MMRN1: variants seen among roughly 807,000 people sequenced by gnomAD.
MMRN1 encodes multimerin-1.
In MMRN1, 94 loss-of-function variants were observed where a neutral mutation model predicts 100.7. The observed-to-expected ratio is 0.93, with a 90% confidence interval of 0.79 to 1.11. The LOEUF (loss-of-function observed/expected upper bound fraction) is 1.11, where lower values mean the gene tolerates loss of function less well. MMRN1 is among the 50% of genes least tolerant of loss of function. The pLI is 0.00. For missense variants in MMRN1, 1,606 were observed against 1,439.1 expected (o/e 1.12, Z -1.88); for synonymous variants, 575 against 505.0 (o/e 1.14, Z -1.86).
chr4:89,931,804 G>T (rs1422591129), intron 5 of MMRN1, among the ~76,000 whole-genome samples: 1 of 152,072 alleles, frequency 6.6e-6, no homozygotes, highest in East Asian at 1.9e-4. Context: ...ATCTCCCACT[G>T]GGTCCCTCCC....
At chr4:89,903,686 T>C (rs1721461565) in intron 1 of MMRN1, among the ~76,000 whole-genome samples, 4 of 151,810 alleles carry the variant, frequency 2.6e-5, no homozygotes. Flanking sequence ...GTAGATAATA[T>C]TATTGTAGAT....
chr4:89,951,063 C>CCTTTG (rs1355722213), intron 6 of MMRN1, among the ~76,000 whole-genome samples: 1 of 151,816 alleles, frequency 6.6e-6, no homozygotes, highest in African/African-American at 2.4e-5. Context: ...GTTTTGTTTT[C>CCTTTG]CTTTGCTTTG....
chr4:89,931,311 T>G (rs1385954604), intron 5 of MMRN1, among the ~76,000 whole-genome samples: 4 of 152,186 alleles, frequency 2.6e-5, no homozygotes, highest in African/African-American at 9.6e-5. Flanking sequence ...AATCACTCTT[T>G]CACATATTTT....
At chr4:89,919,084 C>T (rs1375690865) in intron 3 of MMRN1, among the ~76,000 whole-genome samples, 3 of 151,444 alleles carry the variant, frequency 2.0e-5, no homozygotes, top group African/African-American at 7.3e-5. Flanking sequence ...AACTCATTTG[C>T]AATGATATTC....
intron 1 of MMRN1, chr4:89,901,959 A>G (rs940908086): frequency 6.6e-6 from 1 of 151,992 alleles, no homozygotes; most frequent in Non-Finnish European, 1.5e-5. Flanking sequence ...GAACTGGATT[A>G]AGCATAGAAT....
At chr4:89,920,074 T>A (rs1722040525) in intron 3 of MMRN1, among the ~76,000 whole-genome samples, 1 of 152,118 alleles carries the variant, frequency 6.6e-6, no homozygotes, top group Non-Finnish European at 1.5e-5. Flanking sequence ...TCATCACATA[T>A]CCTACAAAAT....
chr4:89,934,914 A>G lies in MMRN1; in HGVS notation c.1234A>G (p.Thr412Ala). Reference sequence around the variant, plus strand: ...AGAGACTGTAGCACAGCTCTTCAAGACTGTATCAAGTCTATCAGAGGACCT... The same window carrying G: ...AGAGACTGTAGCACAGCTCTTCAAGGCTGTATCAAGTCTATCAGAGGACCT... ...MQETVAQLFK[T>A]VSSLSEDLES... Residue 412 changes from threonine to alanine, a missense_variant, in exon 6 of 8, where the codon ACT (threonine) becomes GCT (alanine). Physicochemically the swap from Thr to Ala is moderately conservative, Grantham distance 58 (BLOSUM62 0). Coordinates refer to ENST00000264790, the MANE Select transcript of MMRN1 (RefSeq NM_007351.3). 1 of 1,613,238 alleles carries G rather than the reference A, an allele frequency of 6.2e-7. No individual in the cohort carries two copies. Among genetic ancestry groups the G allele is most frequent in the African/African-American group, 1.3e-5 (1 of 74,974 alleles).
rs1194275666 is a variant in MMRN1, at chr4:89,927,851, C to T, written c.1012C>T (p.Leu338=). The change falls in exon 5 of 8, where the codon CTG becomes TTG. Residue 338 remains leucine (L), a synonymous_variant. Coordinates refer to ENST00000264790, the MANE Select transcript of MMRN1 (RefSeq NM_007351.3). ...VNYQAMKLTL[L]QKKIDNISLT... ...CTACCAGGCAATGAAACTGACTCTTCTGCAGAAGAAGATTGACAATATTTC... is the reference window on the plus strand; with the variant it reads ...CTACCAGGCAATGAAACTGACTCTTTTGCAGAAGAAGATTGACAATATTTC... The T allele has an allele frequency of 6.2e-7, 1 of 1,612,578 alleles. No homozygotes were observed. Among genetic ancestry groups the T allele is most frequent in the Non-Finnish European group, 8.5e-7 (1 of 1,179,330 alleles).
At chr4:89,907,576 T>C (rs966805706) in intron 1 of MMRN1, among the ~76,000 whole-genome samples, 13 of 151,522 alleles carry the variant, frequency 8.6e-5, no homozygotes, top group Admixed American at 2.6e-4. Flanking sequence ...ATGTTTATTC[T>C]GCCCAATCTT....
intron 6 of MMRN1, among the ~76,000 whole-genome samples, chr4:89,943,936 C>G (rs574420416): frequency 4.6e-5 from 7 of 151,500 alleles, no homozygotes; most frequent in Admixed American, 4.6e-4. Context: ...GAGCCGAGAT[C>G]ATGCCACTGC....
chr4:89,889,082 G>A (rs115367546), intron 1 of MMRN1, among the ~76,000 whole-genome samples: 1,920 of 152,246 alleles, frequency 0.013, 43 homozygotes, highest in African/African-American at 0.044. Context: ...GCCGTTTAGT[G>A]TAGGAGCTGA....
intron 4 of MMRN1, among the ~76,000 whole-genome samples, chr4:89,926,141 C>A (rs946722662): frequency 6.6e-6 from 1 of 151,986 alleles, no homozygotes; most frequent in Non-Finnish European, 1.5e-5. Flanking sequence ...TGTGTGTATA[C>A]GTGGAAGTGG....
chr4:89,953,427 G>T lies in MMRN1; in HGVS notation c.*9G>T. On this transcript the variant is annotated 3_prime_UTR_variant, in exon 8 of 8. Coordinates refer to ENST00000264790, the MANE Select transcript of MMRN1 (RefSeq NM_007351.3). ...TATTATATCGTACATAAGTTAGTATGAAAAACAGACTATCACCTTTATTGA... is the reference window on the plus strand; with the variant it reads ...TATTATATCGTACATAAGTTAGTATTAAAAACAGACTATCACCTTTATTGA... 6.4e-7 allele frequency: 1 copy of T among 1,567,476 alleles called. No homozygotes were observed. The highest frequency in any genetic ancestry group is 8.6e-7 in the Non-Finnish European group (1 of 1,160,122).
intron 1 of MMRN1, among the ~76,000 whole-genome samples, chr4:89,883,225 A>G (rs547092388): frequency 1.3e-5 from 2 of 152,134 alleles, no homozygotes; most frequent in Admixed American, 1.3e-4. Context: ...GTCTTTTTGT[A>G]GACACATTTT....
rs149256860 is a variant in MMRN1, at chr4:89,896,012, T to C, written c.623+418T>C. 4.3e-3 allele frequency among the ~76,000 whole-genome samples: 656 copies of C among 152,244 alleles called. 8 individuals are homozygous for C. Among genetic ancestry groups the C allele is most frequent in the African/African-American group, 0.015 (633 of 41,556 alleles). On this transcript the variant is annotated intron_variant, in intron 1 of 7. Transcript: ENST00000264790. ...AGATGTGAAAATTGGAATAGCAGTA[T>C]TATAAAAAGTAACAGTTGTCAAAGA...
chr4:89,951,422 G>T, intron 6 of MMRN1, 183 bp from the exon 7 acceptor site: 1 of 464,502 alleles, frequency 2.2e-6, no homozygotes, highest in Non-Finnish European at 3.6e-6. Flanking sequence ...GAGATAGAGA[G>T]ATCAGAGCTA....
intron 6 of MMRN1, among the ~76,000 whole-genome samples, chr4:89,945,649 G>T (rs2110650385): frequency 6.6e-6 from 1 of 152,148 alleles, no homozygotes; most frequent in Non-Finnish European, 1.5e-5. Context: ...TAACTCTAAA[G>T]AAAAAGGATA....
chr4:89,951,799 A>G (rs776974266), intron 7 of MMRN1, 48 bp downstream of exon 7: 2 of 1,575,216 alleles, frequency 1.3e-6, no homozygotes, highest in South Asian at 1.1e-5. Flanking sequence ...TGTCATAAAT[A>G]GAAACACGTT....
chr4:89,929,881 T>G (rs1038896110), intron 5 of MMRN1, among the ~76,000 whole-genome samples: 3 of 152,116 alleles, frequency 2.0e-5, no homozygotes, highest in Non-Finnish European at 4.4e-5. Context: ...TGAAAAACAC[T>G]GCGTAATCTG....
Sources: gnomAD v4.1 joint callset for allele counts (sites outside exome capture counted in the v4.1 genomes callset) on GRCh38, gnomAD v4.1.1 for gene constraint, MANE v1.5 for transcripts, NCBI Gene and HGNC (gene_info 2026-07-23, HGNC 2026-07-21) for gene names.